Variants in KCNH5 observed in about 807,000 individuals in gnomAD.
KCNH5 encodes the protein potassium voltage-gated channel subfamily H member 5, also known as voltage-gated delayed rectifier potassium channel KCNH5.
In KCNH5, 46 loss-of-function variants were observed where a neutral mutation model predicts 96.1. The ratio of observed to expected loss-of-function variants is 0.48; its 90% confidence interval spans 0.38 to 0.61. The LOEUF is 0.61. Ranked by LOEUF, KCNH5 falls within the 20% of genes least tolerant of loss-of-function variation. The probability of loss-of-function intolerance (pLI) is 0.00; values close to 1 mark genes in which losing one functional copy is unlikely to be tolerated. For synonymous variants in KCNH5, 439 were observed against 449.8 expected (o/e 0.98, Z 0.30); for missense variants, 907 against 1,225.8 (o/e 0.74, Z 3.88).
intron 7 of KCNH5, among the ~76,000 whole-genome samples, chr14:62,910,899 C>CCACACACA (rs1555363113): frequency 0.01 from 1,410 of 140,328 alleles, 15 homozygotes; most frequent in East Asian, 0.018. Context: ...TGTGCATACA[C>CCACACACA]CACACACACA....
chr14:63,000,209 G>A (rs1890986273), intron 4 of KCNH5, among the ~76,000 whole-genome samples: 1 of 152,266 alleles, frequency 6.6e-6, no homozygotes, highest in African/African-American at 2.4e-5. Flanking sequence ...AAAGATTAAA[G>A]TTTCTATGCC....
chr14:63,024,227 T>TAGATATAGATATAG (rs1566545182), intron 1 of KCNH5, among the ~76,000 whole-genome samples: 1 of 147,266 alleles, frequency 6.8e-6, no homozygotes, highest in African/African-American at 2.5e-5. Flanking sequence ...TATATATATA[T>TAGATATAGATATAG]ATCTTGAGAC....
chr14:62,940,302 G>T (rs1241693059), intron 7 of KCNH5, among the ~76,000 whole-genome samples: 1 of 151,834 alleles, frequency 6.6e-6, no homozygotes, highest in Non-Finnish European at 1.5e-5. Context: ...CAAAGCCTAA[G>T]ATAGTCACTA....
intron 6 of KCNH5, among the ~76,000 whole-genome samples, chr14:62,955,227 G>A (rs1277279367): frequency 6.6e-6 from 1 of 152,118 alleles, no homozygotes; most frequent in Non-Finnish European, 1.5e-5. Context: ...TAATCCTAAT[G>A]TGGGTAACCT....
chr14:62,714,956 A>C (rs1884652594), intron 10 of KCNH5, among the ~76,000 whole-genome samples: 1 of 152,204 alleles, frequency 6.6e-6, no homozygotes, highest in African/African-American at 2.4e-5. Flanking sequence ...GGTAGAATGC[A>C]CAATAACCTG....
At chr14:62,831,516 T>C (rs1595644297) in intron 8 of KCNH5, among the ~76,000 whole-genome samples, 1 of 152,364 alleles carries the variant, frequency 6.6e-6, no homozygotes, top group East Asian at 1.9e-4. Context: ...ACCATTTATA[T>C]TTCTGCATTT....
chr14:62,779,647 C>T, intron 10 of KCNH5, 81 bp downstream of exon 10: 1 of 1,161,456 alleles, frequency 8.6e-7, no homozygotes, highest in South Asian at 2.1e-5. Context: ...AACAAAATAT[C>T]TTCTCTACTC....
At chr14:63,023,216 G>T (rs1891462724) in intron 1 of KCNH5, among the ~76,000 whole-genome samples, 1 of 149,774 alleles carries the variant, frequency 6.7e-6, no homozygotes, top group Non-Finnish European at 1.5e-5. Flanking sequence ...AAAAAAAAAA[G>T]AAAAAATTAA....
At chr14:62,942,515 TAC>T (rs1426066066) in intron 7 of KCNH5, among the ~76,000 whole-genome samples, 1 of 152,170 alleles carries the variant, frequency 6.6e-6, no homozygotes, top group Non-Finnish European at 1.5e-5. Context: ...AACATGAGAA[TAC>T]AGTGTGTGGC....
At chr14:62,898,422 G>A (rs1263632705) in intron 7 of KCNH5, among the ~76,000 whole-genome samples, 1 of 152,046 alleles carries the variant, frequency 6.6e-6, no homozygotes, top group Non-Finnish European at 1.5e-5. Flanking sequence ...TAGACTTGGA[G>A]ATTTTAACTC....
chr14:62,802,528 GT>G lies in KCNH5; in HGVS notation c.1622del (p.Asn541ThrfsTer24), dbSNP rs2140000165. 1 of 1,614,116 alleles carries G rather than the reference GT, an allele frequency of 6.2e-7. No individual in the cohort carries two copies. The highest frequency in any genetic ancestry group is 8.5e-7 in the Non-Finnish European group (1 of 1,179,990). On this transcript the variant is annotated frameshift_variant, in exon 9 of 11. Transcript: ENST00000322893. LOFTEE classifies it high-confidence loss of function. ...DMRADICVHL[N>X]RKVFNEHPAF... ...CAGGATGTTCATTAAAAACCTTCCG[GT>G]TTAGATGAACACAGATATCAGCTCT...
intron 7 of KCNH5, among the ~76,000 whole-genome samples, chr14:62,914,949 C>T (rs933043787): frequency 3.3e-5 from 5 of 152,222 alleles, no homozygotes; most frequent in Admixed American, 6.5e-5. Flanking sequence ...TGGGATTTTA[C>T]GTTCCTTGAA....
intron 7 of KCNH5, among the ~76,000 whole-genome samples, chr14:62,924,214 A>G (rs957811206): frequency 1.3e-5 from 2 of 152,100 alleles, no homozygotes; most frequent in Admixed American, 6.6e-5. Flanking sequence ...GAAGCATATG[A>G]GAAGGTACTC....
intron 10 of KCNH5, among the ~76,000 whole-genome samples, chr14:62,769,945 G>A (rs138129012): frequency 1.3e-3 from 193 of 152,252 alleles, no homozygotes; most frequent in Middle Eastern, 6.8e-3. Flanking sequence ...TAGATACTAC[G>A]TACTATTTGA....
At chr14:62,848,188 G>A (rs919966524) in intron 8 of KCNH5, among the ~76,000 whole-genome samples, 10 of 152,124 alleles carry the variant, frequency 6.6e-5, no homozygotes, top group Non-Finnish European at 1.3e-4. Flanking sequence ...AGTGATTGAC[G>A]AGGCCGGTGG....
At chr14:62,876,388 C>A (rs1207158506) in intron 7 of KCNH5, among the ~76,000 whole-genome samples, 1 of 152,104 alleles carries the variant, frequency 6.6e-6, no homozygotes, top group Non-Finnish European at 1.5e-5. Flanking sequence ...AAATAAGACA[C>A]ACCAATTAGA....
At chr14:62,760,186 T>C (rs1452439984) in intron 10 of KCNH5, among the ~76,000 whole-genome samples, 1 of 152,174 alleles carries the variant, frequency 6.6e-6, no homozygotes, top group Admixed American at 6.5e-5. Flanking sequence ...ACTAGGTCAT[T>C]TGACATCCTA....
At chr14:62,917,726 T>C (rs1049487188) in intron 7 of KCNH5, among the ~76,000 whole-genome samples, 4 of 152,168 alleles carry the variant, frequency 2.6e-5, no homozygotes, top group African/African-American at 7.2e-5. Flanking sequence ...ATTTAACTAC[T>C]TGGACATCAT....
intron 7 of KCNH5, among the ~76,000 whole-genome samples, chr14:62,949,497 C>T (rs1334017786): frequency 2.0e-5 from 3 of 152,158 alleles, no homozygotes; most frequent in Non-Finnish European, 4.4e-5. Flanking sequence ...GAGTGCAGAG[C>T]ACATGGTCTT....
Sources: gnomAD v4.1 joint callset for allele counts (sites outside exome capture counted in the v4.1 genomes callset) on GRCh38, gnomAD v4.1.1 for gene constraint, MANE v1.5 for transcripts, NCBI Gene and HGNC (gene_info 2026-07-23, HGNC 2026-07-21) for gene names.